Variants in CATSPERE observed in about 807,000 individuals in gnomAD.
The protein encoded by CATSPERE is cation channel sperm-associated auxiliary subunit epsilon.
Under a neutral mutation model 114.1 loss-of-function variants are expected in CATSPERE, and 93 were observed. The ratio of observed to expected loss-of-function variants is 0.81; its 90% CI spans 0.69 to 0.97. The LOEUF (loss-of-function observed/expected upper bound fraction) is 0.97. Ranked by LOEUF, CATSPERE falls within the 50% of genes least tolerant of loss-of-function variation. The pLI, the probability that CATSPERE is intolerant of heterozygous loss-of-function variation, is 0.00. For synonymous variants in CATSPERE, 341 were observed against 384.1 expected, an observed-to-expected ratio of 0.89 and a Z score of 1.31; for missense variants, 1,058 against 1,131.6, an observed-to-expected ratio of 0.93 and a Z score of 0.93.
At chr1:244,619,093 A>G (rs1671762725) in intron 20 of CATSPERE, among the ~76,000 whole-genome samples, 1 of 152,160 alleles carries the variant, frequency 6.6e-6, no homozygotes, top group Admixed American at 6.5e-5. Flanking sequence ...GGACAATGAG[A>G]CATCTAAGCA....
At chr1:244,589,447 A>G (rs1450831132) in intron 14 of CATSPERE, among the ~76,000 whole-genome samples, 3 of 152,178 alleles carry the variant, frequency 2.0e-5, no homozygotes, top group Admixed American at 6.5e-5. Flanking sequence ...TTCCTTTCCC[A>G]GAAAATGCAA....
At chr1:244,561,836 T>G (rs1335835120) in intron 10 of CATSPERE, among the ~76,000 whole-genome samples, 1 of 152,114 alleles carries the variant, frequency 6.6e-6, no homozygotes, top group Non-Finnish European at 1.5e-5. Context: ...CATTCTCATT[T>G]CCCAAATAAC....
At chr1:244,507,172 G>A (rs917783591) in intron 7 of CATSPERE, among the ~76,000 whole-genome samples, 13 of 151,984 alleles carry the variant, frequency 8.6e-5, no homozygotes, top group African/African-American at 2.9e-4. Flanking sequence ...GAATATTTAG[G>A]TTGTTTCCAT....
chr1:244,493,316 C>T (rs1485372101), intron 6 of CATSPERE, among the ~76,000 whole-genome samples: 3 of 152,184 alleles, frequency 2.0e-5, no homozygotes, highest in Non-Finnish European at 4.4e-5. Context: ...ACCATCTGAT[C>T]TTTGACAAAC....
At chr1:244,546,536 A>G (rs6668787) in intron 8 of CATSPERE, among the ~76,000 whole-genome samples, 18,632 of 152,102 alleles carry the variant, frequency 0.12, 1,893 homozygotes, top group African/African-American at 0.28. Context: ...AAATAATTCA[A>G]CATAACTGTT....
chr1:244,453,029 T>C (rs1468066168), upstream of CATSPERE, among the ~76,000 whole-genome samples: 2 of 152,228 alleles, frequency 1.3e-5, no homozygotes, highest in Non-Finnish European at 2.9e-5. Flanking sequence ...TAGTATTTTA[T>C]TTCTAGTCAA....
At chr1:244,509,569 G>A (rs1675366781) in intron 7 of CATSPERE, among the ~76,000 whole-genome samples, 1 of 152,110 alleles carries the variant, frequency 6.6e-6, no homozygotes, top group Non-Finnish European at 1.5e-5. Context: ...TGGTTTTGGT[G>A]TCAGGGTAAC....
intron 5 of CATSPERE, among the ~76,000 whole-genome samples, chr1:244,481,358 G>A (rs1303407606): frequency 6.6e-6 from 1 of 152,184 alleles, no homozygotes; most frequent in East Asian, 1.9e-4. Context: ...GGCTGAGGGA[G>A]GAGAATCACT....
intron 21 of CATSPERE, among the ~76,000 whole-genome samples, chr1:244,639,559 G>A (rs1022689454): frequency 7.2e-5 from 11 of 151,940 alleles, no homozygotes; most frequent in African/African-American, 2.4e-4. Flanking sequence ...GTGTGGTGGT[G>A]CCCTCCTGTA....
At chr1:244,605,370 A>G (rs927690459) in intron 17 of CATSPERE, among the ~76,000 whole-genome samples, 3 of 152,236 alleles carry the variant, frequency 2.0e-5, no homozygotes, top group Non-Finnish European at 4.4e-5. Context: ...CTGTCCAGTG[A>G]AGAGAACTTA....
At chr1:244,592,859 G>A (rs1241289850) in intron 15 of CATSPERE, among the ~76,000 whole-genome samples, 2 of 152,182 alleles carry the variant, frequency 1.3e-5, no homozygotes, top group East Asian at 3.8e-4. Flanking sequence ...TGGAACATAT[G>A]GCTGGAAACA....
intron 7 of CATSPERE, among the ~76,000 whole-genome samples, chr1:244,516,942 T>A (rs1245626155): frequency 2.0e-5 from 3 of 152,088 alleles, no homozygotes; most frequent in Non-Finnish European, 4.4e-5. Flanking sequence ...TTCCTAGCAA[T>A]AATATTTACC....
rs780355659 is a variant in CATSPERE at position 244,552,336 on chromosome 1, T to C, written c.551T>C (p.Val184Ala). 4.3e-6 allele frequency: 7 copies of C among 1,610,606 alleles called. No homozygotes were observed. The highest frequency in any genetic ancestry group is 1.7e-4 in the Middle Eastern group (1 of 6,044). ...TCTCTTCTTAGGACCTGGCGTATTG[T>C]AGTACCAATGACAAAAGATGATGCA... is the stretch of plus-strand genomic sequence containing the variant. ...EKMRRGTWRI[V>A]VPMTKDDALK... Residue 184 changes from valine to alanine, a missense_variant, in exon 9 of 22, where the codon GTA becomes GCA. Physicochemically the swap from Val to Ala is moderately conservative, Grantham distance 64. This residue lies in a region of CATSPERE where 271 missense variants were observed against 225.9 expected (regional missense o/e 1.20). Coordinates refer to ENST00000366534, the MANE Select transcript of CATSPERE (RefSeq NM_001130957.2).
At chr1:244,635,461 TCTTTC>T in intron 20 of CATSPERE, 23 bp from the exon 21 acceptor site, 1 of 1,534,242 alleles carries the variant, frequency 6.5e-7, no homozygotes, top group Non-Finnish European at 9.0e-7. Flanking sequence ...CTTAGTGTAA[TCTTTC>T]ATATTATTTT....
chr1:244,535,751 G>A (rs1680292384), intron 8 of CATSPERE, among the ~76,000 whole-genome samples: 2 of 152,072 alleles, frequency 1.3e-5, no homozygotes, highest in South Asian at 4.2e-4. Flanking sequence ...AGGCTGCTTG[G>A]TACTCTACTC....
At chr1:244,636,177 C>T (rs564108218) in intron 21 of CATSPERE, among the ~76,000 whole-genome samples, 76 of 152,322 alleles carry the variant, frequency 5.0e-4, no homozygotes, top group African/African-American at 1.8e-3. Context: ...CTGGACTCAG[C>T]TCCAGTTCCC....
intron 8 of CATSPERE, among the ~76,000 whole-genome samples, chr1:244,549,153 A>G (rs1660210355): frequency 6.6e-6 from 1 of 152,210 alleles, no homozygotes; most frequent in South Asian, 2.1e-4. Context: ...CTCTGTGATT[A>G]AGGCCAATGG....
At chr1:244,620,780 A>G (rs1671985673) in intron 20 of CATSPERE, among the ~76,000 whole-genome samples, 1 of 151,440 alleles carries the variant, frequency 6.6e-6, no homozygotes, top group Admixed American at 6.6e-5. Context: ...GTACAGATTC[A>G]TTAGATCCTA....
At chr1:244,477,751 A>C in intron 3 of CATSPERE, 137 bp downstream of exon 3, 2 of 917,818 alleles carry the variant, frequency 2.2e-6, no homozygotes, top group Non-Finnish European at 3.4e-6. Context: ...AGACAAAATC[A>C]GGTCGAATAT....
Sources: allele counts gnomAD v4.1 joint callset (sites outside exome capture counted in the v4.1 genomes callset), GRCh38; gene constraint gnomAD v4.1.1; regional missense constraint gnomAD v4.1.1; transcripts MANE v1.5; gene names NCBI Gene and HGNC (gene_info 2026-07-23, HGNC 2026-07-21).